The following MKLN1 variants were observed in gnomAD, a reference collection of about 807,000 sequenced individuals.
The protein encoded by MKLN1 is muskelin.
A neutral mutation model predicts 99.0 loss-of-function variants in MKLN1; 18 were observed. The observed-to-expected ratio is 0.18, with a 90% CI of 0.13 to 0.27. The LOEUF (loss-of-function observed/expected upper bound fraction) is 0.27. Among genes scored for constraint, MKLN1 ranks in the 10% least tolerant of loss-of-function variants. The pLI is 1.00. For missense variants in MKLN1, 621 were observed against 875.9 expected (o/e 0.71, Z 3.67); for synonymous variants, 288 against 293.2 (o/e 0.98, Z 0.18).
rs1329192883 is a variant in MKLN1 at position 131,487,833 on chromosome 7, A to G, written c.*105A>G. 5 of 1,375,994 alleles carry G rather than the reference A, an allele frequency of 3.6e-6. No homozygotes were observed. Among genetic ancestry groups the G allele is most frequent in the Non-Finnish European group, 5.0e-6 (5 of 1,009,754 alleles). 85.2% of individuals were successfully genotyped at this position (1,375,994 alleles called of 1,614,324 possible). ...TAAAGCTGCAGTGATTGAGGACTGCACCAGAGTTCTGAAGGGATCTTAACC... is the reference window on the plus strand; with the variant it reads ...TAAAGCTGCAGTGATTGAGGACTGCGCCAGAGTTCTGAAGGGATCTTAACC... On this transcript the variant is annotated 3_prime_UTR_variant, in exon 18 of 18. Transcript: ENST00000352689. The surrounding 1 kb of genome is among the most constrained non-coding windows in gnomAD (Gnocchi z 4.7).
At chr7:131,406,071 A>G (rs982243216) in intron 6 of MKLN1, among the ~76,000 whole-genome samples, 3 of 152,006 alleles carry the variant, frequency 2.0e-5, no homozygotes, top group Admixed American at 2.0e-4. Context: ...TTTACTTTAT[A>G]CATTTTGATG....
At chr7:131,277,836 T>C (rs920204321) in intron 3 of MKLN1, among the ~76,000 whole-genome samples, 22 of 152,206 alleles carry the variant, frequency 1.4e-4, no homozygotes, top group African/African-American at 5.3e-4. Context: ...TTACACTGAT[T>C]TGATCTTTAC....
At chr7:131,470,402 A>G (rs1796785806) in intron 15 of MKLN1, among the ~76,000 whole-genome samples, 1 of 152,240 alleles carries the variant, frequency 6.6e-6, no homozygotes, top group Admixed American at 6.5e-5. Flanking sequence ...TTCAGTTTCC[A>G]AGGTATCTGT....
intron 4 of MKLN1, among the ~76,000 whole-genome samples, chr7:131,394,959 C>T (rs769825669): frequency 3.3e-5 from 5 of 152,054 alleles, no homozygotes; most frequent in Non-Finnish European, 5.9e-5. Flanking sequence ...CACTGAATTA[C>T]ACAGATCTCC....
At chr7:131,406,144 C>T (rs746538174) in intron 6 of MKLN1, among the ~76,000 whole-genome samples, 26 of 151,814 alleles carry the variant, frequency 1.7e-4, no homozygotes. Context: ...TTATGAAGTG[C>T]CTTTTTATCT....
At chr7:131,281,678 A>G (rs901044994) in intron 3 of MKLN1, among the ~76,000 whole-genome samples, 7 of 150,906 alleles carry the variant, frequency 4.6e-5, no homozygotes, top group Admixed American at 3.3e-4. Context: ...GTATCCTGCC[A>G]TATTTCTTTT....
chr7:131,394,711 A>C (rs114164142), intron 4 of MKLN1, among the ~76,000 whole-genome samples: 2,704 of 152,120 alleles, frequency 0.018, 92 homozygotes, highest in African/African-American at 0.061. Flanking sequence ...CGGATATTGG[A>C]AATCATTACG....
chr7:131,240,958 C>T (rs958414504), intron 3 of MKLN1, among the ~76,000 whole-genome samples: 3 of 152,194 alleles, frequency 2.0e-5, no homozygotes, highest in Admixed American at 2.0e-4. Flanking sequence ...AGAAAGACAC[C>T]TTGGTCCTTC....
intron 2 of MKLN1, among the ~76,000 whole-genome samples, chr7:131,378,750 A>C (rs1563319629): frequency 6.6e-6 from 1 of 152,026 alleles, no homozygotes; most frequent in Non-Finnish European, 1.5e-5. Context: ...GGATTGCTTG[A>C]ACCCAGGAGG....
intron 1 of MKLN1, among the ~76,000 whole-genome samples, chr7:131,374,823 T>C (rs1465191340): frequency 3.3e-5 from 5 of 152,130 alleles, no homozygotes; most frequent in Non-Finnish European, 5.9e-5. Context: ...ATGTTTGATA[T>C]ATGTAATATA....
At chr7:131,175,728 C>T (rs1287554155) in intron 2 of MKLN1, among the ~76,000 whole-genome samples, 1 of 152,134 alleles carries the variant, frequency 6.6e-6, no homozygotes, top group Non-Finnish European at 1.5e-5. Context: ...GGTGAAACCC[C>T]GTCTCTACTA....
In MKLN1 at chr7:131,444,757, TAGAAGA is replaced by T. The variant is rs201603814; in HGVS notation, c.1396-1014_1396-1009del. Among the ~76,000 whole-genome samples the T allele has an allele frequency of 9.5e-3, 600 of 63,018 alleles. 2 individuals are homozygous for T. Among genetic ancestry groups the T allele is most frequent in the East Asian group, 0.017 (22 of 1,280 alleles). The allele number at this position is 63,018 out of a possible 152,430, so 41.3% of individuals were successfully genotyped here. On this transcript the variant is annotated intron_variant, in intron 11 of 17. Coordinates refer to ENST00000352689, the MANE Select transcript of MKLN1 (RefSeq NM_013255.5). ...GTAGTAGTAGTAGTAGTAGTAGTAG[TAGAAGA>T]AGTAGTAGTAGTAGTAGTAGTAGTA...
At position 131,138,620 on chromosome 7, in the gene MKLN1, A is replaced by G. The variant is rs182690424; in HGVS notation, c.-418-4200A>G. On this transcript the variant is annotated intron_variant, in intron 1 of 7. Transcript: ENST00000416992. Reference sequence around the variant, plus strand: ...ATTATTATTTAGTTTTGCCTTTTCAAGCTCGTTAAATGAGAATTAGATGAA... The same window carrying G: ...ATTATTATTTAGTTTTGCCTTTTCAGGCTCGTTAAATGAGAATTAGATGAA... Among the ~76,000 whole-genome samples the G allele has an allele frequency of 3.2e-3, 490 of 152,306 alleles. 1 individual carries two copies. The highest frequency in any genetic ancestry group is 4.7e-3 in the Non-Finnish European group (319 of 68,028).
chr7:131,483,815 T>TAACTCA (rs1797191945), intron 17 of MKLN1, among the ~76,000 whole-genome samples: 1 of 152,212 alleles, frequency 6.6e-6, no homozygotes, highest in African/African-American at 2.4e-5. Context: ...GTGCATATGG[T>TAACTCA]AACTCAAATA....
chr7:131,478,997 A>T (rs945031393), intron 17 of MKLN1: 4 of 273,492 alleles, frequency 1.5e-5, no homozygotes, highest in African/African-American at 4.5e-5. Flanking sequence ...ACACACTATG[A>T]GATAATACTT....
chr7:131,372,597 T>C (rs1053686703), intron 1 of MKLN1, among the ~76,000 whole-genome samples: 1 of 152,080 alleles, frequency 6.6e-6, no homozygotes, highest in African/African-American at 2.4e-5. Context: ...AGCTGTAGAA[T>C]ACATAATAAT....
At chr7:131,326,513 T>TTA (rs1380180782), upstream of MKLN1, among the ~76,000 whole-genome samples, 1 of 152,096 alleles carries the variant, frequency 6.6e-6, no homozygotes, top group Admixed American at 6.5e-5. Context: ...CGCAGCTAAC[T>TTA]TTTGTATTTT....
At chr7:131,456,928 C>T (rs1489559545) in intron 12 of MKLN1, among the ~76,000 whole-genome samples, 2 of 150,366 alleles carry the variant, frequency 1.3e-5, no homozygotes, top group Non-Finnish European at 3.0e-5. Context: ...AGGACTACAA[C>T]TGTCTCAAAA....
intron 3 of MKLN1, among the ~76,000 whole-genome samples, chr7:131,238,824 T>C (rs1482460822): frequency 6.6e-6 from 1 of 152,212 alleles, no homozygotes; most frequent in African/African-American, 2.4e-5. Context: ...TGACAGGCAA[T>C]GACATCCTGC....
Sources: allele counts gnomAD v4.1 joint callset (sites outside exome capture counted in the v4.1 genomes callset), GRCh38; gene constraint gnomAD v4.1.1; non-coding constraint Gnocchi (gnomAD v3.1); transcripts MANE v1.5; gene names NCBI Gene and HGNC (gene_info 2026-07-23, HGNC 2026-07-21).